The following PLEC variants were observed in gnomAD, a reference collection of about 807,000 sequenced individuals.
PLEC encodes hemidesmosomal protein 1.
Under a neutral mutation model 392.8 loss-of-function variants are expected in PLEC, and 216 were observed. The ratio of observed to expected loss-of-function variants is 0.55; its 90% CI spans 0.49 to 0.62. The LOEUF (loss-of-function observed/expected upper bound fraction) is 0.62. PLEC is among the 20% of genes least tolerant of loss of function. The pLI is 0.00. For missense variants in PLEC, 6,863 were observed against 6,563.4 expected (o/e 1.05, Z -1.58); for synonymous variants, 3,621 against 2,980.6 (o/e 1.21, Z -7.00).
chr8:143,919,160 G>T lies in PLEC; in HGVS notation c.10661C>A (p.Thr3554Asn), dbSNP rs782017839. The change falls in exon 32 of 32, where the codon ACC becomes AAC. Residue 3554 changes from threonine (T) to asparagine (N), a missense_variant. Physicochemically the swap from Thr to Asn is moderately conservative, Grantham distance 65. Coordinates refer to ENST00000345136, the MANE Select transcript of PLEC (RefSeq NM_201384.3). ...CTCCTCCTCAGTGTACACCTGCGTGGTCTCCACCACCTCAGCCTTCTCCGC... is the reference window on the plus strand; with the variant it reads ...CTCCTCCTCAGTGTACACCTGCGTGTTCTCCACCACCTCAGCCTTCTCCGC... Reference protein sequence around the residue: ...KGAEKAEVVETTQVYTEEETR... With the variant: ...KGAEKAEVVENTQVYTEEETR... 6.8e-6 allele frequency: 11 copies of T among 1,613,552 alleles called. No individual in the cohort carries two copies. In the Admixed American group the frequency reaches 1.5e-4, roughly 22 times the overall value.
intron 2 of PLEC, 168 bp from the exon 3 acceptor site, chr8:143,938,408 C>T (rs1473818977): frequency 6.5e-6 from 10 of 1,536,168 alleles, no homozygotes; most frequent in South Asian, 2.4e-5. Context: ...TACCTCTGCC[C>T]GCCAGTGCTG....
rs983563451 is a variant in PLEC, at chr8:143,920,914, C to G, written c.8907G>C (p.Lys2969Asn). The G allele has an allele frequency of 1.2e-6, 2 of 1,612,648 alleles. No individual in the cohort carries two copies. Among genetic ancestry groups the G allele is most frequent in the South Asian group, 2.2e-5 (2 of 91,086 alleles). Residue 2969 changes from lysine to asparagine, a missense_variant, in exon 32 of 32, where the codon AAG becomes AAC. By Grantham distance (94) the Lys-to-Asn change is moderately conservative (BLOSUM62 0). Transcript: ENST00000345136. The part of the protein sequence containing the change: ...IITVVEEQEQ[K>N]GRLCFEGLRS... ...GCAGGCCCTCAAAGCAAAGCCGGCC[C>G]TTCTGCTCCTGCTCCTCCACCACCG...
rs370845860 is a variant in PLEC, at chr8:143,934,969, C to A, written c.826-40G>T. ...GGGCGGCTGTCAGGGGTCGTCGGGG[C>A]GTCCAGGCCCAAGCCCCCTGCCCTC... On this transcript the variant is annotated intron_variant, in intron 8 of 31. Transcript: ENST00000345136. 721 of 1,610,408 alleles carry A rather than the reference C, an allele frequency of 4.5e-4. 10 individuals carry two copies. In the South Asian group the frequency reaches 6.0e-3, roughly 13 times the overall value.
In PLEC at chr8:143,929,443, C is replaced by T. The variant is rs1554710878; in HGVS notation, c.3052G>A (p.Glu1018Lys). 1.3e-6 allele frequency: 2 copies of T among 1,582,312 alleles called. No homozygotes were observed. ...TGCTCGGCGATGCGCTGGGCACACT[C>T]CCGTGCCGGCTCTTTGTCCAGCGGC... is the stretch of plus-strand genomic sequence containing the variant. The part of the protein sequence containing the change: ...RLPLDKEPAR[E>K]CAQRIAEQQK... The change falls in exon 24 of 32, where the codon GAG becomes AAG. Residue 1018 changes from glutamate (E) to lysine (K), a missense_variant. By Grantham distance (56) the Glu-to-Lys change is moderately conservative. Transcript: ENST00000345136.
intron 19 of PLEC, among the ~76,000 whole-genome samples, chr8:143,930,750 C>G (rs187460004): frequency 6.6e-6 from 1 of 152,114 alleles, no homozygotes; most frequent in African/African-American, 2.4e-5. Context: ...ACAGGGCACC[C>G]TCCTCTCACC....
At chr8:143,956,106 C>A (rs903011220), upstream of PLEC, among the ~76,000 whole-genome samples, 3 of 152,088 alleles carry the variant, frequency 2.0e-5, no homozygotes, top group Admixed American at 6.6e-5. Context: ...TGCCACCGCA[C>A]CGGGCTAATT....
At chr8:143,941,057 G>A (rs1257461740), upstream of PLEC, among the ~76,000 whole-genome samples, 4 of 152,218 alleles carry the variant, frequency 2.6e-5, no homozygotes, top group Non-Finnish European at 4.4e-5. Context: ...AGGGCACCCC[G>A]GACCCCACAC....
chr8:143,942,586 C>G, upstream of PLEC: 2 of 1,467,900 alleles, frequency 1.4e-6, no homozygotes, highest in South Asian at 2.6e-5. Context: ...GGCGCCTCTG[C>G]TTCCAGCCCA....
At chr8:143,970,275 T>C (rs1833350281) in intron 1 of PLEC, among the ~76,000 whole-genome samples, 1 of 151,222 alleles carries the variant, frequency 6.6e-6, no homozygotes, top group South Asian at 2.1e-4. Context: ...TGGTCGGTGT[T>C]TACTGTCAAA....
rs374458753 is a variant in PLEC, at chr8:143,917,143, C to T, written c.12678G>A (p.Thr4226=). Residue 4226 remains threonine, a synonymous_variant, in exon 32 of 32, where the codon ACG becomes ACA. Coordinates refer to ENST00000345136, the MANE Select transcript of PLEC (RefSeq NM_201384.3). ...TGTCGGCGAACTCGGTGATGGAGAG[C>T]GTGCCGGCGCGGTACTGGTCCAGTG... is the stretch of plus-strand genomic sequence containing the variant. ...RSALDQYRAG[T]LSITEFADML... is the part of the protein sequence containing the mutation. 1.1e-5 allele frequency: 18 copies of T among 1,604,274 alleles called. No homozygotes were observed. Among genetic ancestry groups the T allele is most frequent in the South Asian group, 2.2e-5 (2 of 90,978 alleles).
intron 11 of PLEC, 60 bp from the exon 12 acceptor site, chr8:143,934,151 A>G (rs571191471): frequency 1.3e-6 from 2 of 1,592,506 alleles, no homozygotes; most frequent in South Asian, 2.2e-5. Context: ...CCCTGGCCAC[A>G]GACTGCAGCT....
In PLEC at chr8:143,924,402, C is replaced by A. The variant is rs781804005; in HGVS notation, c.5527G>T (p.Gly1843Cys). ...TCCGTCTTGAGCCGCGTGGCCTCGCCGATGGCGGCCAGCTTCTCCGCAAGC... is the reference window on the plus strand; with the variant it reads ...TCCGTCTTGAGCCGCGTGGCCTCGCAGATGGCGGCCAGCTTCTCCGCAAGC... ...RVLAEKLAAI[G>C]EATRLKTEAE... The change falls in exon 31 of 32, where the codon GGC becomes TGC. Residue 1843 changes from glycine (G) to cysteine (C), a missense_variant. Coordinates refer to ENST00000345136, the MANE Select transcript of PLEC (RefSeq NM_201384.3). 3 of 1,593,890 alleles carry A rather than the reference C, an allele frequency of 1.9e-6. No individual in the cohort carries two copies. The South Asian group carries it at 3.3e-5, about 18-fold the overall frequency.
intron 19 of PLEC, among the ~76,000 whole-genome samples, chr8:143,931,255 T>A (rs1827157762): frequency 6.6e-6 from 1 of 151,316 alleles, no homozygotes; most frequent in Non-Finnish European, 1.5e-5. Context: ...GCCTCTCGGC[T>A]CCCCACATCC....
At chr8:143,944,667 G>A in intron 1 of PLEC, 2 of 1,339,716 alleles carry the variant, frequency 1.5e-6, no homozygotes, top group Non-Finnish European at 1.9e-6. Context: ...TCTTCATCGG[G>A]GACGGTGGCA....
chr8:143,963,078 C>T (rs1320965345), intron 1 of PLEC, among the ~76,000 whole-genome samples: 3 of 152,164 alleles, frequency 2.0e-5, no homozygotes, highest in African/African-American at 4.8e-5. Context: ...AGGGAGGATC[C>T]GAGTGAACCC....
rs151106439 is a variant in PLEC, at chr8:143,917,174, C to T, written c.12647G>A (p.Arg4216His). The change falls in exon 32 of 32, where the codon CGC (arginine) becomes CAC (histidine). Residue 4216 changes from arginine to histidine, a missense_variant. Transcript: ENST00000345136. ...DDAIAKNLID[R>H]SALDQYRAGT... ...GGCGCGGTACTGGTCCAGTGCCGAG[C>T]GGTCGATGAGGTTCTTGGCGATGGC... The T allele has an allele frequency of 1.5e-4, 240 of 1,611,836 alleles. 1 individual carries two copies. The East Asian group carries it at 2.3e-3, about 16-fold the overall frequency.
In PLEC at chr8:143,923,280, TGGCCTCCGC is replaced by T. The variant is rs1564018502; in HGVS notation, c.6640_6648del (p.Ala2214_Ala2216del). On this transcript the variant is annotated inframe_deletion, in exon 31 of 32. Coordinates refer to ENST00000345136, the MANE Select transcript of PLEC (RefSeq NM_201384.3). ...TGGCTGCGCTGGCGTGCGGCCTCCGTGGCCTCCGCCTTCAGCCGCTGCAGCTCCTCGTCC... is the reference window on the plus strand; with the variant it reads ...TGGCTGCGCTGGCGTGCGGCCTCCGTCTTCAGCCGCTGCAGCTCCTCGTCC... The T allele has an allele frequency of 1.9e-6, 3 of 1,607,072 alleles. No homozygotes were observed. Among genetic ancestry groups the T allele is most frequent in the Non-Finnish European group, 2.5e-6 (3 of 1,179,656 alleles).
In PLEC at chr8:143,929,453, C is replaced by T. The variant is rs1223782760; in HGVS notation, c.3042G>A (p.Glu1014=). 3.1e-6 allele frequency: 5 copies of T among 1,591,926 alleles called. No individual in the cohort carries two copies. Among genetic ancestry groups the T allele is most frequent in the Admixed American group, 1.8e-5 (1 of 56,966 alleles). ...TGCGCTGGGCACACTCCCGTGCCGG[C>T]TCTTTGTCCAGCGGCAGCCGCAGGC... ...VHRLRLPLDK[E]PARECAQRIA... is the part of the protein sequence containing the mutation. Residue 1014 remains glutamate, a synonymous_variant, in exon 24 of 32, where the codon GAG becomes GAA. Coordinates refer to ENST00000345136, the MANE Select transcript of PLEC (RefSeq NM_201384.3).
intron 27 of PLEC, 28 bp downstream of exon 27, chr8:143,927,382 C>T (rs1320175488): frequency 1.5e-5 from 24 of 1,608,828 alleles, no homozygotes; most frequent in East Asian, 2.2e-5. Context: ...CACGCCCAGC[C>T]GCCCCGTCCC....
Sources: gnomAD v4.1 joint callset for allele counts (sites outside exome capture counted in the v4.1 genomes callset) on GRCh38, gnomAD v4.1.1 for gene constraint, MANE v1.5 for transcripts, NCBI Gene and HGNC (gene_info 2026-07-23, HGNC 2026-07-21) for gene names.